LRSAM1: variants seen among roughly 807,000 people sequenced by gnomAD.
The protein encoded by LRSAM1 is E3 ubiquitin-protein ligase LRSAM1.
In LRSAM1, 96 loss-of-function variants were observed where a neutral mutation model predicts 118.1. The ratio of observed to expected loss-of-function variants is 0.81; its 90% confidence interval spans 0.69 to 0.96. LRSAM1 has a LOEUF of 0.96. Ranked by LOEUF, LRSAM1 falls within the 40% of genes least tolerant of loss-of-function variation. The probability of loss-of-function intolerance (pLI) is 0.00; values close to 1 mark genes in which losing one functional copy is unlikely to be tolerated. For synonymous variants in LRSAM1, 322 were observed against 364.2 expected (o/e 0.88, Z 1.32); for missense variants, 804 against 915.5 (o/e 0.88, Z 1.57).
At position 127,485,744 on chromosome 9, in the gene LRSAM1, C is replaced by G. The variant is rs1258411555; in HGVS notation, c.1168C>G (p.Gln390Glu). Reference sequence around the variant, plus strand: ...ACCTCATGTTCCCACAGCCGCCATGCAGCAGATGCTGACTGAGAGCTGTAA... The same window carrying G: ...ACCTCATGTTCCCACAGCCGCCATGGAGCAGATGCTGACTGAGAGCTGTAA... ...LRRRDVASAMQQMLTESCKNR... is the reference protein window; with the variant it reads ...LRRRDVASAMEQMLTESCKNR... Residue 390 changes from glutamine to glutamate, a missense_variant, in exon 17 of 26, where the codon CAG (glutamine) becomes GAG (glutamate). By Grantham distance (29) the Gln-to-Glu change is conservative (BLOSUM62 2). Transcript: ENST00000300417. 1.2e-6 allele frequency: 2 copies of G among 1,613,998 alleles called. No individual in the cohort carries two copies. Among genetic ancestry groups the G allele is most frequent in the African/African-American group, 1.3e-5 (1 of 74,922 alleles).
chr9:127,482,287 C>T (rs1197496847), intron 15 of LRSAM1, among the ~76,000 whole-genome samples: 2 of 151,810 alleles, frequency 1.3e-5, no homozygotes, highest in Non-Finnish European at 1.5e-5. Flanking sequence ...GGATTATAGG[C>T]GCATACCACC....
chr9:127,502,686 CAAAAA>C (rs71380066), intron 25 of LRSAM1, 83 bp from the exon 26 acceptor site: 3,985 of 891,796 alleles, frequency 4.5e-3, no homozygotes, highest in East Asian at 5.2e-3. Context: ...GACTCTGTCT[CAAAAA>C]AAAAAAAAAA....
intron 10 of LRSAM1, chr9:127,471,102 T>TA (rs1396201394): frequency 6.6e-6 from 1 of 151,970 alleles, no homozygotes; most frequent in Non-Finnish European, 1.5e-5. Context: ...ATATGCAAAT[T>TA]AGAGTCTTCG....
chr9:127,495,460 G>A (rs1293712870), intron 22 of LRSAM1, 42 bp downstream of exon 22: 1 of 1,576,900 alleles, frequency 6.3e-7, no homozygotes, highest in Non-Finnish European at 8.7e-7. Context: ...GAGCCCTGGG[G>A]ACCTCCTCCC....
At chr9:127,500,947 G>GC in intron 24 of LRSAM1, 63 bp from the exon 25 acceptor site, 1 of 1,611,736 alleles carries the variant, frequency 6.2e-7, no homozygotes, top group East Asian at 2.2e-5. Flanking sequence ...GCCACAATGA[G>GC]CCCCCAGGGG....
At chr9:127,490,517 C>A (rs923660283) in intron 19 of LRSAM1, among the ~76,000 whole-genome samples, 2 of 152,120 alleles carry the variant, frequency 1.3e-5, no homozygotes, top group Admixed American at 1.3e-4. Context: ...CACATTCTCA[C>A]TGCAGATGGT....
chr9:127,460,214 G>T (rs1834682571), intron 7 of LRSAM1, among the ~76,000 whole-genome samples: 1 of 152,016 alleles, frequency 6.6e-6, no homozygotes, highest in African/African-American at 2.4e-5. Context: ...TCACCAGGAT[G>T]GTCTCAATCT....
chr9:127,455,490 G>C, intron 4 of LRSAM1, 86 bp from the exon 5 acceptor site: 2 of 1,385,212 alleles, frequency 1.4e-6, no homozygotes, highest in Non-Finnish European at 2.1e-6. Flanking sequence ...CCTCCTGCCT[G>C]TCTCTTCCTC....
rs765928752 is a variant in LRSAM1 at position 127,487,723 on chromosome 9, A to T, written c.1307A>T (p.Gln436Leu). Residue 436 changes from glutamine (Q) to leucine (L), a missense_variant, in exon 18 of 26, where the codon CAA (glutamine) becomes CTA (leucine). Gln to Leu is a moderately radical substitution (Grantham distance 113, BLOSUM62 -2). Transcript: ENST00000300417. ...ERFQQILSWQ[Q>L]MDQNKAISQI... ...TTCCAGCAGATTCTGTCGTGGCAGC[A>T]AATGGATCAGAACAAAGCCATCAGC... 9 of 1,613,682 alleles carry T rather than the reference A, an allele frequency of 5.6e-6. No individual in the cohort carries two copies. Among genetic ancestry groups the T allele is most frequent in the African/African-American group, 1.3e-5 (1 of 74,932 alleles).
At chr9:127,475,742 T>G (rs1296767050) in intron 11 of LRSAM1, among the ~76,000 whole-genome samples, 2 of 151,350 alleles carry the variant, frequency 1.3e-5, no homozygotes, top group Non-Finnish European at 2.9e-5. Context: ...GATTTTATTA[T>G]TTTTTTATTT....
rs1352937234 is a variant in LRSAM1, at chr9:127,466,454, A to G, written c.529-1286A>G. 2.2e-5 allele frequency among the ~76,000 whole-genome samples: 3 copies of G among 136,666 alleles called. No individual in the cohort carries two copies. In the Admixed American group the frequency reaches 2.3e-4, roughly 10 times the overall value. The allele number at this position is 136,666 out of a possible 152,430, so 89.7% of individuals were successfully genotyped here. Reference sequence around the variant, plus strand: ...GTGTATGAATATATTATATGAATATATTATCTAACAAAGGAAGAATCATAT... The same window carrying G: ...GTGTATGAATATATTATATGAATATGTTATCTAACAAAGGAAGAATCATAT... On this transcript the variant is annotated intron_variant, in intron 9 of 25. Coordinates refer to ENST00000300417, the MANE Select transcript of LRSAM1 (RefSeq NM_001005373.4).
chr9:127,454,826 C>A (rs1290295006), intron 3 of LRSAM1, among the ~76,000 whole-genome samples, 172 bp from the exon 4 acceptor site: 1 of 152,212 alleles, frequency 6.6e-6, no homozygotes, highest in East Asian at 1.9e-4. Context: ...TCCCTCTGGG[C>A]CTCAAGCTCT....
In LRSAM1 at chr9:127,479,476, A is replaced by G; in HGVS notation, c.874A>G (p.Lys292Glu). The G allele has an allele frequency of 6.2e-7, 1 of 1,614,060 alleles. No individual in the cohort carries two copies. Among genetic ancestry groups the G allele is most frequent in the Non-Finnish European group, 8.5e-7 (1 of 1,180,006 alleles). ...GCTCCTTCAGCAGAGCAGCAGCCAG[A>G]AGGATGAGATCCTTCAGACGGTCAA... is the stretch of plus-strand genomic sequence containing the variant. ...TQLLQQSSSQKDEILQTVKEE... is the reference protein window; with the variant it reads ...TQLLQQSSSQEDEILQTVKEE... The change falls in exon 13 of 26, where the codon AAG becomes GAG. Residue 292 changes from lysine to glutamate, a missense_variant. By Grantham distance (56) the Lys-to-Glu change is moderately conservative (BLOSUM62 1). Coordinates refer to ENST00000300417, the MANE Select transcript of LRSAM1 (RefSeq NM_001005373.4).
intron 10 of LRSAM1, among the ~76,000 whole-genome samples, chr9:127,468,345 G>T (rs1468138967): frequency 1.3e-5 from 2 of 152,158 alleles, no homozygotes; most frequent in Non-Finnish European, 2.9e-5. Context: ...GTGCAGGACA[G>T]GGGACCAGTT....
chr9:127,455,201 C>A, intron 4 of LRSAM1, 147 bp downstream of exon 4: 1 of 892,964 alleles, frequency 1.1e-6, no homozygotes, highest in Non-Finnish European at 1.9e-6. Context: ...TGTTCTCGTC[C>A]AAAATAATTG....
intron 24 of LRSAM1, among the ~76,000 whole-genome samples, chr9:127,500,188 C>T (rs895977775): frequency 1.3e-5 from 2 of 151,594 alleles, no homozygotes; most frequent in African/African-American, 4.8e-5. Flanking sequence ...TGGTGAAACC[C>T]CACCTCTACT....
chr9:127,478,857 C>T (rs773228860), intron 11 of LRSAM1, 77 bp from the exon 12 acceptor site: 53 of 1,464,894 alleles, frequency 3.6e-5, no homozygotes, highest in African/African-American at 7.0e-5. Flanking sequence ...TCAGGCCACC[C>T]GGGGGTTCCT....
Position 127,502,807 on chromosome 9 carries a change from T to C in LRSAM1, c.2080T>C (p.Cys694Arg), listed in dbSNP as rs759312530. The C allele has an allele frequency of 1.9e-6, 3 of 1,612,138 alleles. No individual in the cohort carries two copies. The highest frequency in any genetic ancestry group is 2.5e-6 in the Non-Finnish European group (3 of 1,179,716). The change falls in exon 26 of 26, where the codon TGC becomes CGC. Residue 694 changes from cysteine (C) to arginine (R), a missense_variant. Physicochemically the swap from Cys to Arg is radical, Grantham distance 180 (BLOSUM62 -3). Coordinates refer to ENST00000300417, the MANE Select transcript of LRSAM1 (RefSeq NM_001005373.4). ...GATCTTCCTCAACTGTGGCCACGTCTGCTGCTGCCAGCAGTGCTGCCAGCC... is the reference window on the plus strand; with the variant it reads ...GATCTTCCTCAACTGTGGCCACGTCCGCTGCTGCCAGCAGTGCTGCCAGCC... ...QMIFLNCGHV[C>R]CCQQCCQPLR...
intron 17 of LRSAM1, 89 bp from the exon 18 acceptor site, chr9:127,487,587 G>T: frequency 3.2e-6 from 4 of 1,260,944 alleles, no homozygotes; most frequent in Non-Finnish European, 2.3e-6. Context: ...GAAGAAATGG[G>T]TTATCTTGAT....
Sources: allele counts gnomAD v4.1 joint callset (sites outside exome capture counted in the v4.1 genomes callset), GRCh38; gene constraint gnomAD v4.1.1; transcripts MANE v1.5; gene names NCBI Gene and HGNC (gene_info 2026-07-23, HGNC 2026-07-21).